The following NRXN3 variants were observed in gnomAD, a reference collection of about 807,000 sequenced individuals.
The protein encoded by NRXN3 is neurexin 3, also known as neurexin III.
Under a neutral mutation model 137.6 loss-of-function variants are expected in NRXN3, and 32 were observed. That is an observed-to-expected ratio of 0.23 (90% CI 0.18 to 0.31). The LOEUF is 0.31. Ranked by LOEUF, NRXN3 falls within the 10% of genes least tolerant of loss-of-function variation. The pLI, the probability that NRXN3 is intolerant of heterozygous loss-of-function variation, is 1.00. For missense variants in NRXN3, 1,574 were observed against 2,062.5 expected, an observed-to-expected ratio of 0.76 and a Z score of 4.59; for synonymous variants, 798 against 784.5, an observed-to-expected ratio of 1.02 and a Z score of -0.29.
chr14:79,232,827 T>C (rs1054089942), intron 15 of NRXN3, among the ~76,000 whole-genome samples: 1 of 152,192 alleles, frequency 6.6e-6, no homozygotes, highest in African/African-American at 2.4e-5. Flanking sequence ...CTTTCTTCTA[T>C]GTAAAGTTTT....
rs184958682 is a variant in NRXN3, at chr14:79,299,176, A to G, written c.3263-168045A>G. On this transcript the variant is annotated intron_variant, in intron 15 of 20. Coordinates refer to ENST00000335750, the MANE Select transcript of NRXN3 (RefSeq NM_001330195.2). Reference sequence around the variant, plus strand: ...TTTACAAAACCAGTTTTACATTTTGAAAAGATACAGCACCATCCTATAAGA... The same window carrying G: ...TTTACAAAACCAGTTTTACATTTTGGAAAGATACAGCACCATCCTATAAGA... 7.6e-4 allele frequency among the ~76,000 whole-genome samples: 116 copies of G among 152,324 alleles called. 3 individuals are homozygous for G. The East Asian group carries it at 0.021, about 27-fold the overall frequency.
intron 10 of NRXN3, among the ~76,000 whole-genome samples, chr14:78,893,367 C>T (rs2099164772): frequency 1.3e-5 from 2 of 151,942 alleles, no homozygotes; most frequent in Non-Finnish European, 2.9e-5. Flanking sequence ...CCAGCTTGTT[C>T]TCCTTCTATT....
rs1193651040 is a variant in NRXN3, at chr14:79,864,332, C to G, written c.*2368C>G. 2.6e-5 allele frequency: 4 copies of G among 152,612 alleles called. No homozygotes were observed. The highest frequency in any genetic ancestry group is 2.6e-4 in the Admixed American group (4 of 15,274). 9.5% of individuals were successfully genotyped at this position (152,612 alleles called of 1,614,324 possible). A position where few individuals can be genotyped will look rare whatever the true frequency, so the allele number is the denominator to read the frequency against. Reference sequence around the variant, plus strand: ...AGGAATTTATTTAATGATGTTGTGACATTACTGCTTTTTCTTTTTTCTTTT... The same window carrying G: ...AGGAATTTATTTAATGATGTTGTGAGATTACTGCTTTTTCTTTTTTCTTTT... On this transcript the variant is annotated 3_prime_UTR_variant, in exon 21 of 21. Coordinates refer to ENST00000335750, the MANE Select transcript of NRXN3 (RefSeq NM_001330195.2).
chr14:79,429,963 CTTG>C (rs781552980), intron 15 of NRXN3, among the ~76,000 whole-genome samples: 3 of 150,834 alleles, frequency 2.0e-5, no homozygotes, highest in Non-Finnish European at 4.4e-5. Context: ...ATTTCTGTAT[CTTG>C]TTGTCAGGAA....
chr14:78,543,345 G>C (rs573903118), intron 4 of NRXN3, among the ~76,000 whole-genome samples: 3 of 152,288 alleles, frequency 2.0e-5, no homozygotes, highest in African/African-American at 7.2e-5. Context: ...AGGAAGTCTT[G>C]AGCTTTTGGA....
intron 4 of NRXN3, among the ~76,000 whole-genome samples, chr14:78,565,861 G>C (rs192687567): frequency 1.3e-5 from 2 of 152,280 alleles, no homozygotes; most frequent in East Asian, 3.9e-4. Flanking sequence ...GCTGGAAAAA[G>C]TATTATAGCC....
intron 15 of NRXN3, among the ~76,000 whole-genome samples, chr14:79,295,488 C>G (rs1194933904): frequency 1.3e-5 from 2 of 152,156 alleles, no homozygotes; most frequent in Non-Finnish European, 2.9e-5. Flanking sequence ...ATCTCTGTTA[C>G]AGTTCCTTAT....
chr14:79,001,870 G>A (rs2099542032), intron 15 of NRXN3, among the ~76,000 whole-genome samples: 1 of 152,148 alleles, frequency 6.6e-6, no homozygotes, highest in Non-Finnish European at 1.5e-5. Flanking sequence ...AAATAATGGG[G>A]GCAAAGCAGA....
At chr14:78,861,378 T>C (rs574487630) in intron 10 of NRXN3, among the ~76,000 whole-genome samples, 1 of 152,192 alleles carries the variant, frequency 6.6e-6, no homozygotes, top group Non-Finnish European at 1.5e-5. Context: ...ATTAGAATTT[T>C]TGTCTCAATT....
At chr14:79,276,115 A>G (rs1245232209) in intron 15 of NRXN3, among the ~76,000 whole-genome samples, 1 of 152,182 alleles carries the variant, frequency 6.6e-6, no homozygotes, top group Admixed American at 6.5e-5. Context: ...AGGGATGACA[A>G]ATCCTTCAGC....
intron 8 of NRXN3, among the ~76,000 whole-genome samples, chr14:78,721,599 T>G (rs2098460139): frequency 6.6e-6 from 1 of 152,178 alleles, no homozygotes; most frequent in Non-Finnish European, 1.5e-5. Context: ...CAATCAAATT[T>G]TCATCTCCCT....
chr14:79,009,228 T>A (rs1347236637), intron 15 of NRXN3, among the ~76,000 whole-genome samples: 1 of 152,184 alleles, frequency 6.6e-6, no homozygotes, highest in East Asian at 1.9e-4. Flanking sequence ...AACAACACCA[T>A]TCTTCATGAT....
intron 2 of NRXN3, among the ~76,000 whole-genome samples, chr14:78,254,749 G>A (rs1346800903): frequency 6.6e-6 from 1 of 151,762 alleles, no homozygotes. Context: ...GATTAGACTT[G>A]CCTAACAAGC....
At chr14:78,563,987 C>A (rs962970233) in intron 4 of NRXN3, among the ~76,000 whole-genome samples, 3 of 152,188 alleles carry the variant, frequency 2.0e-5, no homozygotes, top group African/African-American at 7.2e-5. Context: ...TGTCTCCTAC[C>A]TTTAAATGTC....
chr14:79,107,761 G>C (rs1007030250), intron 15 of NRXN3, among the ~76,000 whole-genome samples: 3 of 152,098 alleles, frequency 2.0e-5, no homozygotes, highest in African/African-American at 7.2e-5. Context: ...GACTTGAAAG[G>C]CTGAGTAGAT....
intron 6 of NRXN3, among the ~76,000 whole-genome samples, chr14:78,663,098 G>T (rs1288507230): frequency 1.3e-5 from 2 of 152,174 alleles, no homozygotes; most frequent in African/African-American, 4.8e-5. Flanking sequence ...TAAAGAGAGC[G>T]AGTGTCTTTC....
chr14:78,681,559 CAT>C (rs1240177190), intron 6 of NRXN3, among the ~76,000 whole-genome samples: 3 of 152,088 alleles, frequency 2.0e-5, no homozygotes, highest in Non-Finnish European at 4.4e-5. Flanking sequence ...GAGGAGGAAA[CAT>C]AAGTATTTTT....
intron 18 of NRXN3, among the ~76,000 whole-genome samples, chr14:79,694,841 G>A (rs895547359): frequency 5.9e-5 from 9 of 151,916 alleles, no homozygotes; most frequent in Non-Finnish European, 1.0e-4. Context: ...CAAGGTACAG[G>A]GAGCTAGGAG....
At chr14:79,350,125 A>G (rs1228054969) in intron 15 of NRXN3, among the ~76,000 whole-genome samples, 6 of 152,204 alleles carry the variant, frequency 3.9e-5, no homozygotes, top group Non-Finnish European at 7.3e-5. Flanking sequence ...TGCATTAACT[A>G]TTTTCATGGA....
Sources: allele counts gnomAD v4.1 joint callset (sites outside exome capture counted in the v4.1 genomes callset), GRCh38; gene constraint gnomAD v4.1.1; transcripts MANE v1.5; gene names NCBI Gene and HGNC (gene_info 2026-07-23, HGNC 2026-07-21).